RAB40B: variants seen among roughly 807,000 people sequenced by gnomAD.
The protein encoded by RAB40B is ras-related protein Rab-40B.
Under a neutral mutation model 24.0 loss-of-function variants are expected in RAB40B, and 21 were observed. That is an observed-to-expected ratio of 0.88 (90% CI 0.62 to 1.26). The LOEUF (loss-of-function observed/expected upper bound fraction) is 1.26, where lower values mean the gene tolerates loss of function less well. RAB40B is among the 50% of genes most tolerant of loss of function. The probability of loss-of-function intolerance (pLI) is 0.00; values close to 1 mark genes in which losing one functional copy is unlikely to be tolerated. For synonymous variants in RAB40B, 167 were observed against 169.8 expected (o/e 0.98, Z 0.13); for missense variants, 348 against 390.5 (o/e 0.89, Z 0.92).
chr17:82,695,710 T>C (rs1249029436), intron 1 of RAB40B, among the ~76,000 whole-genome samples: 2 of 149,514 alleles, frequency 1.3e-5, no homozygotes, highest in Admixed American at 6.6e-5. Context: ...ACCCTGTCTC[T>C]GAAAAAATAA....
At chr17:82,678,618 G>A (rs544889433) in intron 1 of RAB40B, among the ~76,000 whole-genome samples, 30 of 152,152 alleles carry the variant, frequency 2.0e-4, no homozygotes, top group Non-Finnish European at 3.7e-4. Flanking sequence ...ATGTACAGAC[G>A]TATTCATCTC....
chr17:82,684,842 G>A (rs1171715460), intron 1 of RAB40B, among the ~76,000 whole-genome samples: 2 of 152,144 alleles, frequency 1.3e-5, no homozygotes, highest in African/African-American at 2.4e-5. Flanking sequence ...GGCCAGGCAC[G>A]GTGGCCCACG....
Position 82,659,633 on chromosome 17 carries a change from C to T in RAB40B, c.289G>A (p.Ala97Thr). ...ATGCCGTCAAAAGACCAGCGGTTCGCAATGTCATAGACCAGGATCACACCC... is the reference window on the plus strand; with the variant it reads ...ATGCCGTCAAAAGACCAGCGGTTCGTAATGTCATAGACCAGGATCACACCC... ...AQGVILVYDI[A>T]NRWSFDGIDR... is the part of the protein sequence containing the mutation. Residue 97 changes from alanine (A) to threonine (T), a missense_variant, in exon 4 of 6, where the codon GCG becomes ACG. Ala to Thr is a moderately conservative substitution (Grantham distance 58, BLOSUM62 0). Coordinates refer to ENST00000571995, the MANE Select transcript of RAB40B (RefSeq NM_006822.3). The T allele has an allele frequency of 4.3e-6, 7 of 1,614,164 alleles. No homozygotes were observed. Among genetic ancestry groups the T allele is most frequent in the Non-Finnish European group, 5.9e-6 (7 of 1,180,040 alleles).
chr17:82,671,544 G>T (rs868747265), intron 1 of RAB40B, among the ~76,000 whole-genome samples: 1 of 135,866 alleles, frequency 7.4e-6, no homozygotes, highest in Non-Finnish European at 1.5e-5. Flanking sequence ...ACACTCACAC[G>T]CTCCCTGTAC....
At chr17:82,681,747 C>A (rs1190225366) in intron 1 of RAB40B, among the ~76,000 whole-genome samples, 1 of 152,120 alleles carries the variant, frequency 6.6e-6, no homozygotes, top group Non-Finnish European at 1.5e-5. Flanking sequence ...TCTATCAATG[C>A]AATTTATCAC....
chr17:82,673,660 AT>A (rs1373306050), intron 1 of RAB40B, among the ~76,000 whole-genome samples: 1 of 152,154 alleles, frequency 6.6e-6, no homozygotes, highest in Non-Finnish European at 1.5e-5. Context: ...CCGTAAACTC[AT>A]TCTTGACCCT....
At chr17:82,658,168 A>G in intron 5 of RAB40B, 34 bp from the exon 6 acceptor site, 1 of 1,595,754 alleles carries the variant, frequency 6.3e-7, no homozygotes, top group Non-Finnish European at 8.5e-7. Context: ...TGCTTAGTGG[A>G]TGTCCCCACC....
intron 1 of RAB40B, among the ~76,000 whole-genome samples, chr17:82,684,996 C>G (rs1396774642): frequency 2.0e-5 from 3 of 151,572 alleles, no homozygotes; most frequent in Non-Finnish European, 4.4e-5. Flanking sequence ...CGCCTATAAT[C>G]CCAGCTACTC....
rs1003243025 is a variant in RAB40B at position 82,655,209 on chromosome 17, C to T, written c.*2654G>A. ...TTTATTTTCTCGTAGCTCTGGAAGC[C>T]GGAAGTCCAAAACCAATAACTTGGC... is the stretch of plus-strand genomic sequence containing the variant. On this transcript the variant is annotated 3_prime_UTR_variant, in exon 6 of 6. Transcript: ENST00000571995. The T allele has an allele frequency of 6.6e-6, 1 of 151,944 alleles. No individual in the cohort carries two copies. The highest frequency in any genetic ancestry group is 2.4e-5 in the African/African-American group (1 of 41,344). 9.4% of individuals were successfully genotyped at this position (151,944 alleles called of 1,614,324 possible).
At chr17:82,677,418 G>A (rs967885576) in intron 1 of RAB40B, among the ~76,000 whole-genome samples, 6 of 152,148 alleles carry the variant, frequency 3.9e-5, no homozygotes, top group Non-Finnish European at 5.9e-5. Context: ...TCCCAACAGG[G>A]CAGAAAGCAT....
intron 1 of RAB40B, among the ~76,000 whole-genome samples, chr17:82,677,447 C>T (rs961661399): frequency 5.9e-5 from 9 of 152,224 alleles, no homozygotes; most frequent in Non-Finnish European, 1.2e-4. Context: ...GGGCTGCTTC[C>T]AGGAGGTGGC....
Position 82,663,327 on chromosome 17 carries a change from G to A in RAB40B, c.203+1169C>T, listed in dbSNP as rs1461508386. ...TCGGGGGTGGCCCAGCAGGCAGGAA[G>A]GGCCAGGAGGCTCAGGCGAGGGTCA... On this transcript the variant is annotated intron_variant, in intron 2 of 5. Transcript: ENST00000571995. This position sits in a 1 kb window ranked among gnomAD's most constrained non-coding sequence, Gnocchi z 6.2. 1.3e-5 allele frequency among the ~76,000 whole-genome samples: 2 copies of A among 152,122 alleles called. No individual in the cohort carries two copies. The highest frequency in any genetic ancestry group is 4.8e-5 in the African/African-American group (2 of 41,408).
At chr17:82,690,654 G>C (rs1305049654) in intron 1 of RAB40B, among the ~76,000 whole-genome samples, 2 of 151,594 alleles carry the variant, frequency 1.3e-5, no homozygotes, top group African/African-American at 2.4e-5. Context: ...GTGTTCCCGG[G>C]GAGCAGAGAG....
At chr17:82,665,273 GAC>G (rs2046241124) in intron 1 of RAB40B, among the ~76,000 whole-genome samples, 2 of 145,720 alleles carry the variant, frequency 1.4e-5, no homozygotes, top group South Asian at 4.3e-4. Context: ...TTTTTTTTGA[GAC>G]AGAGTTTCTC....
rs2046193999 is a variant in RAB40B, at chr17:82,663,001, T to C, written c.203+1495A>G. ...GGGAGGGAGAGACTTGAGAACAAGG[T>C]CCTGGACCTGCAGGGCTCAGGGCCA... On this transcript the variant is annotated intron_variant, in intron 2 of 5. Transcript: ENST00000571995. The surrounding 1 kb of genome is among the most constrained non-coding windows in gnomAD (Gnocchi z 6.2). Among the ~76,000 whole-genome samples, 1 of 151,166 alleles carries C rather than the reference T, an allele frequency of 6.6e-6. No individual in the cohort carries two copies. The highest frequency in any genetic ancestry group is 6.6e-5 in the Admixed American group (1 of 15,216).
intron 2 of RAB40B, chr17:82,662,440 G>A (rs1412895658): frequency 1.0e-6 from 1 of 985,328 alleles, no homozygotes. Flanking sequence ...CTCCTCAGCT[G>A]GGACAACGTG....
intron 1 of RAB40B, among the ~76,000 whole-genome samples, chr17:82,686,092 G>C (rs189006343): frequency 7.1e-6 from 1 of 140,818 alleles, no homozygotes; most frequent in Admixed American, 7.4e-5. Context: ...GTGAGCCACC[G>C]CACCCAGCCT....
At chr17:82,696,265 CG>C (rs1232016824) in intron 1 of RAB40B, 1 of 152,166 alleles carries the variant, frequency 6.6e-6, no homozygotes, top group African/African-American at 2.4e-5. Flanking sequence ...GTCCTCAGTT[CG>C]GCATGTAGCA....
At chr17:82,686,175 G>T (rs1215378989) in intron 1 of RAB40B, among the ~76,000 whole-genome samples, 1 of 146,134 alleles carries the variant, frequency 6.8e-6, no homozygotes, top group Non-Finnish European at 1.5e-5. Context: ...GCAGTGGCAC[G>T]ATCTCAGCTC....
Sources: allele counts gnomAD v4.1 joint callset (sites outside exome capture counted in the v4.1 genomes callset), GRCh38; gene constraint gnomAD v4.1.1; non-coding constraint Gnocchi (gnomAD v3.1); transcripts MANE v1.5; gene names NCBI Gene and HGNC (gene_info 2026-07-23, HGNC 2026-07-21).